The following PPP2R2B variants were observed in gnomAD, a reference collection of about 807,000 sequenced individuals.
PPP2R2B encodes serine/threonine-protein phosphatase 2A 55 kDa regulatory subunit B beta isoform.
A neutral mutation model predicts 46.0 loss-of-function variants in PPP2R2B; 5 were observed. The observed-to-expected ratio is 0.11, with a 90% CI of 0.06 to 0.23. The LOEUF is 0.23. Among genes scored for constraint, PPP2R2B ranks in the 10% least tolerant of loss-of-function variants. The pLI is 1.00. For synonymous variants in PPP2R2B, 215 were observed against 206.7 expected, an observed-to-expected ratio of 1.04 and a Z score of -0.34; for missense variants, 367 against 575.0, an observed-to-expected ratio of 0.64 and a Z score of 3.70.
chr5:147,019,854 T>C (rs543193462), intron 1 of PPP2R2B, among the ~76,000 whole-genome samples: 1 of 152,294 alleles, frequency 6.6e-6, no homozygotes, highest in East Asian at 1.9e-4. Context: ...TAGATCTGAT[T>C]CTTCTGTATG....
At chr5:146,718,242 G>T (rs1023332024) in intron 2 of PPP2R2B, among the ~76,000 whole-genome samples, 1 of 151,916 alleles carries the variant, frequency 6.6e-6, no homozygotes, top group Non-Finnish European at 1.5e-5. Flanking sequence ...ACAAAGATTA[G>T]CCTGGCATGG....
At chr5:147,072,639 A>G (rs1039567472) in intron 2 of PPP2R2B, among the ~76,000 whole-genome samples, 1 of 152,170 alleles carries the variant, frequency 6.6e-6, no homozygotes, top group Non-Finnish European at 1.5e-5. Context: ...GTGGAATGAG[A>G]TAACGTGTTG....
chr5:146,706,523 C>T, intron 2 of PPP2R2B: 1 of 1,181,212 alleles, frequency 8.5e-7, no homozygotes, highest in Non-Finnish European at 1.2e-6. Context: ...GCAGCTGCCG[C>T]GCCATGTCCT....
At chr5:146,601,784 G>T (rs775220690) in intron 7 of PPP2R2B, among the ~76,000 whole-genome samples, 2 of 152,154 alleles carry the variant, frequency 1.3e-5, no homozygotes, top group Non-Finnish European at 2.9e-5. Context: ...GTGAGGTCTG[G>T]ACTTCTAGTG....
At chr5:146,983,400 T>G (rs1240534891) in intron 1 of PPP2R2B, among the ~76,000 whole-genome samples, 2 of 152,130 alleles carry the variant, frequency 1.3e-5, no homozygotes, top group African/African-American at 4.8e-5. Context: ...CAGGATGGTC[T>G]TGATCTCCTG....
intron 2 of PPP2R2B, among the ~76,000 whole-genome samples, chr5:146,861,475 G>A (rs1760997636): frequency 6.6e-6 from 1 of 152,178 alleles, no homozygotes; most frequent in Non-Finnish European, 1.5e-5. Context: ...ACAGGCGTGA[G>A]CCACCGCGCC....
chr5:146,830,286 T>A (rs74892356), intron 2 of PPP2R2B, among the ~76,000 whole-genome samples: 1,801 of 152,304 alleles, frequency 0.012, 40 homozygotes, highest in African/African-American at 0.041. Context: ...CTAAATAATT[T>A]AAGCCACACG....
At chr5:146,906,140 G>C (rs1388089531) in intron 1 of PPP2R2B, among the ~76,000 whole-genome samples, 4 of 151,918 alleles carry the variant, frequency 2.6e-5, no homozygotes, top group African/African-American at 9.7e-5. Context: ...TGTTGGAAGT[G>C]TAAAATACAC....
At chr5:146,598,078 C>T (rs390165) in intron 8 of PPP2R2B, among the ~76,000 whole-genome samples, 106,502 of 152,024 alleles carry the variant, frequency 0.7, 37,419 homozygotes, top group South Asian at 0.74. Flanking sequence ...TCCTTCAGAG[C>T]AAACTTGTTG....
chr5:146,682,879 G>A (rs1581865163), intron 5 of PPP2R2B, among the ~76,000 whole-genome samples: 1 of 152,166 alleles, frequency 6.6e-6, no homozygotes, highest in African/African-American at 2.4e-5. Context: ...TGATAATAAT[G>A]TTGTCCTCAG....
intron 1 of PPP2R2B, among the ~76,000 whole-genome samples, chr5:146,898,013 C>T (rs920406984): frequency 5.3e-5 from 8 of 152,090 alleles, no homozygotes; most frequent in African/African-American, 1.4e-4. Context: ...GGCAAAACCC[C>T]GTGTCTACTA....
At chr5:146,879,466 T>G (rs980271708), upstream of PPP2R2B, among the ~76,000 whole-genome samples, 7 of 152,128 alleles carry the variant, frequency 4.6e-5, no homozygotes, top group Non-Finnish European at 8.8e-5. Flanking sequence ...TTGCAGCCTC[T>G]CCGTTAGGTT....
intron 2 of PPP2R2B, chr5:146,707,001 G>T: frequency 1.0e-6 from 1 of 988,036 alleles, no homozygotes. Flanking sequence ...CCTCGTTAAT[G>T]TAAGCTTCAT....
intron 2 of PPP2R2B, among the ~76,000 whole-genome samples, chr5:146,805,768 G>T (rs1032390304): frequency 1.1e-4 from 16 of 152,110 alleles, no homozygotes; most frequent in Non-Finnish European, 1.6e-4. Context: ...ATGCAGAGGG[G>T]ATGTGGCTTA....
At chr5:146,626,173 G>A (rs1008834934) in intron 7 of PPP2R2B, among the ~76,000 whole-genome samples, 1 of 152,030 alleles carries the variant, frequency 6.6e-6, no homozygotes, top group Non-Finnish European at 1.5e-5. Flanking sequence ...GCCATAGGAA[G>A]CTAATACAGA....
chr5:146,635,344 GT>G (rs61642938), intron 7 of PPP2R2B, among the ~76,000 whole-genome samples: 11 of 150,912 alleles, frequency 7.3e-5, no homozygotes, highest in South Asian at 4.2e-4. Context: ...TGTGTCATGG[GT>G]TTTTTTTTGT....
At chr5:146,890,000 C>A (rs930124831) in intron 1 of PPP2R2B, among the ~76,000 whole-genome samples, 3 of 152,184 alleles carry the variant, frequency 2.0e-5, no homozygotes, top group Non-Finnish European at 4.4e-5. Context: ...GAGCATGAGA[C>A]CTGGTGTCCT....
chr5:146,935,597 C>T (rs886585140), intron 1 of PPP2R2B, among the ~76,000 whole-genome samples: 6 of 152,072 alleles, frequency 3.9e-5, no homozygotes, highest in African/African-American at 1.4e-4. Context: ...GGTAGGCTGT[C>T]AGGAAATATA....
At chr5:147,001,852 G>A (rs992522081) in intron 1 of PPP2R2B, among the ~76,000 whole-genome samples, 3 of 152,128 alleles carry the variant, frequency 2.0e-5, no homozygotes, top group Admixed American at 2.0e-4. Flanking sequence ...GGAGTTGGGA[G>A]CATTGGTTTG....
Sources: allele counts gnomAD v4.1 joint callset (sites outside exome capture counted in the v4.1 genomes callset), GRCh38; gene constraint gnomAD v4.1.1; transcripts MANE v1.5; gene names NCBI Gene and HGNC (gene_info 2026-07-23, HGNC 2026-07-21).